Variants in ZNF782 observed in about 807,000 individuals in gnomAD.
The protein encoded by ZNF782 is zinc finger protein 782.
ZNF782 carries 12 observed loss-of-function variants against 13.0 expected under a neutral mutation model. The observed-to-expected ratio is 0.92, with a 90% CI of 0.59 to 1.50. ZNF782 has a LOEUF of 1.50. ZNF782 is among the 40% of genes most tolerant of loss of function. The pLI, the probability that ZNF782 is intolerant of heterozygous loss-of-function variation, is 0.00. For missense variants in ZNF782, 770 were observed against 822.9 expected (o/e 0.94, Z 0.79); for synonymous variants, 284 against 283.0 (o/e 1.00, Z -0.04).
chr9:96,833,304 A>G (rs1465132746), intron 4 of ZNF782, among the ~76,000 whole-genome samples: 1 of 152,172 alleles, frequency 6.6e-6, no homozygotes, highest in African/African-American at 2.4e-5. Context: ...CTTTATTCAG[A>G]GCTCCTTTTT....
chr9:96,857,664 C>G (rs919344278), upstream of ZNF782, among the ~76,000 whole-genome samples: 6 of 152,178 alleles, frequency 3.9e-5, no homozygotes, highest in African/African-American at 1.4e-4. Context: ...TGAAAAACTG[C>G]AGGCTCTCTG....
chr9:96,871,097 T>C (rs1851820345), intron 1 of ZNF782, among the ~76,000 whole-genome samples: 1 of 152,120 alleles, frequency 6.6e-6, no homozygotes, highest in East Asian at 1.9e-4. Flanking sequence ...TTAAAAGATG[T>C]TTTCATAGTG....
chr9:96,876,250 T>C (rs149501964), upstream of ZNF782, among the ~76,000 whole-genome samples: 230 of 152,324 alleles, frequency 1.5e-3, no homozygotes, highest in Non-Finnish European at 1.9e-3. Flanking sequence ...TGGAGTTATA[T>C]TGGAAAATAC....
the ZNF782 span, chr9:96,919,013 C>T: frequency 4.4e-6 from 1 of 229,142 alleles, no homozygotes; most frequent in Admixed American, 4.3e-5. Flanking sequence ...GAGTCAGAAT[C>T]CCCCAATGAA....
At chr9:96,892,771 C>G in the ZNF782 span, 24 of 151,902 alleles carry the variant, frequency 1.6e-4, no homozygotes, top group African/African-American at 5.8e-4. Context: ...TTTTCAAGCA[C>G]CTCTAAGAAA....
At chr9:96,929,156 A>C in the ZNF782 span, 1 of 1,562,400 alleles carries the variant, frequency 6.4e-7, no homozygotes, top group Non-Finnish European at 8.8e-7. Flanking sequence ...GGAGCACTGG[A>C]TGTCCCCAAG....
the ZNF782 span, among the ~76,000 whole-genome samples, chr9:96,911,153 A>C: frequency 6.7e-6 from 1 of 148,956 alleles, no homozygotes; most frequent in African/African-American, 2.4e-5. Flanking sequence ...AACTTGTAAA[A>C]AAAGGGCCAG....
the ZNF782 span, among the ~76,000 whole-genome samples, chr9:96,910,748 T>A: frequency 1.3e-5 from 2 of 148,962 alleles, no homozygotes; most frequent in Non-Finnish European, 3.0e-5. Context: ...GCCATTCTCC[T>A]GCCTCAGCCT....
chr9:96,864,616 C>A (rs1851736472), intron 1 of ZNF782, among the ~76,000 whole-genome samples: 1 of 151,908 alleles, frequency 6.6e-6, no homozygotes, highest in Non-Finnish European at 1.5e-5. Flanking sequence ...ATTTTAAAAC[C>A]AAGAAACCAA....
At chr9:96,866,564 T>G (rs1395394258) in intron 1 of ZNF782, among the ~76,000 whole-genome samples, 1 of 151,924 alleles carries the variant, frequency 6.6e-6, no homozygotes, top group Non-Finnish European at 1.5e-5. Flanking sequence ...AAATGTGGGG[T>G]CGGAGCCCCC....
At chr9:96,879,831 TTC>T (rs1165739208), upstream of ZNF782, among the ~76,000 whole-genome samples, 2 of 152,240 alleles carry the variant, frequency 1.3e-5, no homozygotes, top group African/African-American at 4.8e-5. Context: ...TGACTTTGCA[TTC>T]TGTGATCTTG....
At chr9:96,911,947 C>A in the ZNF782 span, among the ~76,000 whole-genome samples, 1 of 151,976 alleles carries the variant, frequency 6.6e-6, no homozygotes, top group South Asian at 2.1e-4. Flanking sequence ...CGCCTGTAAT[C>A]CCAGCACTTT....
upstream of ZNF782, among the ~76,000 whole-genome samples, chr9:96,878,208 C>T (rs947394106): frequency 2.0e-5 from 3 of 152,116 alleles, no homozygotes; most frequent in Admixed American, 1.3e-4. Flanking sequence ...GCCACCACGC[C>T]CGGCTAATTG....
chr9:96,827,856 G>C (rs1240258581), intron 4 of ZNF782, among the ~76,000 whole-genome samples: 1 of 152,212 alleles, frequency 6.6e-6, no homozygotes, highest in African/African-American at 2.4e-5. Flanking sequence ...CTTGAAAGTA[G>C]AGAAACAATG....
At chr9:96,841,349 T>C (rs1851183561) in intron 4 of ZNF782, among the ~76,000 whole-genome samples, 1 of 151,968 alleles carries the variant, frequency 6.6e-6, no homozygotes, top group Non-Finnish European at 1.5e-5. Context: ...ATACAACCTC[T>C]TCCAGAAAAT....
In ZNF782 at chr9:96,841,117, T is replaced by C. The variant is rs1245443606; in HGVS notation, c.142+3773A>G. ...CATCAAAATGATAATAATGGAATGGTCTGAACATCTTTACACATATGAATG... is the reference window on the plus strand; with the variant it reads ...CATCAAAATGATAATAATGGAATGGCCTGAACATCTTTACACATATGAATG... On this transcript the variant is annotated intron_variant, in intron 4 of 5. Transcript: ENST00000481138. 2.6e-5 allele frequency among the ~76,000 whole-genome samples: 4 copies of C among 151,972 alleles called. 1 individual carries two copies. The highest frequency in any genetic ancestry group is 3.8e-4 in the East Asian group (2 of 5,200).
chr9:96,829,629 C>T (rs932103872), intron 4 of ZNF782, among the ~76,000 whole-genome samples: 1 of 152,048 alleles, frequency 6.6e-6, no homozygotes, highest in African/African-American at 2.4e-5. Context: ...CCTCCATTTA[C>T]AGAACACCGA....
upstream of ZNF782, among the ~76,000 whole-genome samples, chr9:96,879,668 C>CA (rs1172444061): frequency 6.6e-6 from 1 of 152,002 alleles, no homozygotes; most frequent in Non-Finnish European, 1.5e-5. Flanking sequence ...CAGAGCCTGG[C>CA]AAAAAAGACC....
upstream of ZNF782, among the ~76,000 whole-genome samples, chr9:96,876,971 A>AAAAAAAAG (rs1851900809): frequency 2.3e-5 from 3 of 128,022 alleles, no homozygotes; most frequent in African/African-American, 4.2e-5. Flanking sequence ...AAAAAAAAAA[A>AAAAAAAAG]AAGAAGAAGA....
Sources: allele counts gnomAD v4.1 joint callset (sites outside exome capture counted in the v4.1 genomes callset), GRCh38; gene constraint gnomAD v4.1.1; transcripts MANE v1.5; gene names NCBI Gene and HGNC (gene_info 2026-07-23, HGNC 2026-07-21).